Variants in FAT4 observed in about 807,000 individuals in gnomAD.
FAT4 encodes protocadherin Fat 4.
Under a neutral mutation model 303.9 loss-of-function variants are expected in FAT4, and 84 were observed. That is an observed-to-expected ratio of 0.28 (90% confidence interval 0.23 to 0.33). FAT4 has a LOEUF of 0.33. FAT4 is among the 10% of genes least tolerant of loss of function. The pLI, the probability that FAT4 is intolerant of heterozygous loss-of-function variation, is 1.00. For synonymous variants in FAT4, 2,307 were observed against 2,298.8 expected (o/e 1.00, Z -0.10); for missense variants, 6,005 against 6,146.8 (o/e 0.98, Z 0.77).
chr4:125,334,862 A>G (rs1731512753), intron 2 of FAT4, among the ~76,000 whole-genome samples: 1 of 152,178 alleles, frequency 6.6e-6, no homozygotes, highest in South Asian at 2.1e-4. Flanking sequence ...TAAAAACATT[A>G]AAATACCAAT....
chr4:125,477,758 A>C (rs72675381), intron 14 of FAT4, among the ~76,000 whole-genome samples: 2,153 of 152,196 alleles, frequency 0.014, 24 homozygotes, highest in Non-Finnish European at 0.021. Context: ...AACTTGATAC[A>C]GCTTTAAAAA....
chr4:125,393,361 T>C (rs1722271792), intron 2 of FAT4, among the ~76,000 whole-genome samples: 1 of 152,186 alleles, frequency 6.6e-6, no homozygotes, highest in Admixed American at 6.6e-5. Flanking sequence ...GCTATTTTAG[T>C]CATTTCCTTT....
chr4:125,418,762 A>G (rs1735169240), intron 7 of FAT4, among the ~76,000 whole-genome samples: 1 of 152,330 alleles, frequency 6.6e-6, no homozygotes, highest in Non-Finnish European at 1.5e-5. Context: ...TCCACCTGGT[A>G]TAGTAATGCA....
At chr4:125,341,100 C>G (rs1002594521) in intron 2 of FAT4, among the ~76,000 whole-genome samples, 7 of 151,864 alleles carry the variant, frequency 4.6e-5, no homozygotes, top group Non-Finnish European at 7.4e-5. Flanking sequence ...AAGATGAGAG[C>G]AATAGTTTTT....
At chr4:125,391,924 G>A (rs553801720) in intron 2 of FAT4, among the ~76,000 whole-genome samples, 8 of 152,164 alleles carry the variant, frequency 5.3e-5, no homozygotes, top group South Asian at 2.1e-4. Context: ...ACCTGGATTT[G>A]CTTAAAAACA....
chr4:125,316,394 T>C lies in FAT4; in HGVS notation c.-12-6T>C. 1 of 1,582,718 alleles carries C rather than the reference T, an allele frequency of 6.3e-7. No homozygotes were observed. ...CCCCTTCCTTCTCTTTATCACATCG[T>C]TTTAGGGAGCCAGGACCATGGACTT... On this transcript the variant is annotated splice_region_variant and splice_polypyrimidine_tract_variant and intron_variant, in intron 1 of 17. Coordinates refer to ENST00000394329, the MANE Select transcript of FAT4 (RefSeq NM_001291303.3). The surrounding 1 kb of genome is among the most constrained non-coding windows in gnomAD (Gnocchi z 5.7).
At chr4:125,468,131 A>G (rs1726730692) in intron 11 of FAT4, among the ~76,000 whole-genome samples, 2 of 152,122 alleles carry the variant, frequency 1.3e-5, no homozygotes, top group South Asian at 4.1e-4. Flanking sequence ...AGTCTAGGCA[A>G]CAAGAGCAAA....
intron 2 of FAT4, among the ~76,000 whole-genome samples, chr4:125,346,323 A>G (rs1477606814): frequency 6.6e-6 from 1 of 152,082 alleles, no homozygotes; most frequent in Non-Finnish European, 1.5e-5. Context: ...GTTGGGGTAC[A>G]GTAAGCTTTG....
chr4:125,442,252 G>A (rs1432587340), intron 8 of FAT4, among the ~76,000 whole-genome samples: 1 of 152,072 alleles, frequency 6.6e-6, no homozygotes, highest in East Asian at 1.9e-4. Flanking sequence ...AGAGTGTTCT[G>A]TCTTCTGAAT....
In FAT4 at chr4:125,315,862, C is replaced by T. The variant is rs957316951; in HGVS notation, c.-128C>T. 1.3e-5 allele frequency among the ~76,000 whole-genome samples: 2 copies of T among 152,306 alleles called. No homozygotes were observed. The highest frequency in any genetic ancestry group is 3.9e-4 in the East Asian group (2 of 5,150). On this transcript the variant is annotated 5_prime_UTR_variant, in exon 1 of 18. Coordinates refer to ENST00000394329, the MANE Select transcript of FAT4 (RefSeq NM_001291303.3). ...TGAGGAGTGGGGACTCCAGGAATTC[C>T]ATCGCCTCCAGCTTTTGGGAAAGAA... is the stretch of plus-strand genomic sequence containing the variant.
Position 125,452,447 on chromosome 4 carries a change from T to C in FAT4, c.11437T>C (p.Cys3813Arg). ...VDHDSCVHGPCQNGGSCLRRL... is the reference protein window; with the variant it reads ...VDHDSCVHGPRQNGGSCLRRL... ...TCATGACTCCTGTGTGCATGGCCCATGTCAGAATGGAGGGAGCTGTCTACG... is the reference window on the plus strand; with the variant it reads ...TCATGACTCCTGTGTGCATGGCCCACGTCAGAATGGAGGGAGCTGTCTACG... The change falls in exon 10 of 18, where the codon TGT (cysteine) becomes CGT (arginine). Residue 3813 changes from cysteine to arginine, a missense_variant. Cys to Arg is a radical substitution (Grantham distance 180). Transcript: ENST00000394329. 2 of 1,614,038 alleles carry C rather than the reference T, an allele frequency of 1.2e-6. No individual in the cohort carries two copies. Among genetic ancestry groups the C allele is most frequent in the Non-Finnish European group, 1.7e-6 (2 of 1,180,014 alleles).
chr4:125,320,424 C>T lies in FAT4; in HGVS notation c.4013C>T (p.Thr1338Ile). 5.6e-6 allele frequency: 9 copies of T among 1,613,976 alleles called. No individual in the cohort carries two copies. Among genetic ancestry groups the T allele is most frequent in the Non-Finnish European group, 7.6e-6 (9 of 1,179,842 alleles). Residue 1338 changes from threonine to isoleucine, a missense_variant, in exon 2 of 18, where the codon ACT (threonine) becomes ATT (isoleucine). Thr to Ile is a moderately conservative substitution (Grantham distance 89). Transcript: ENST00000394329. ...ATTGGTGAACTCGTGTCCTCTGTTA[C>T]TGCAACTGATTCCGATTCAGGTGAC... ...MRIGELVSSV[T>I]ATDSDSGDNA...
rs1304302008 is a variant in FAT4, at chr4:125,452,296, G to A, written c.11286G>A (p.Thr3762=). The A allele has an allele frequency of 4.3e-6, 7 of 1,614,086 alleles. No homozygotes were observed. The highest frequency in any genetic ancestry group is 2.7e-5 in the African/African-American group (2 of 74,940). ...GTGCATATGAAGAGAACAATAGAAC[G>A]TTTCTTTTGGCAGCTGTGAAGCGAA... ...LYSAYEENNR[T]FLLAAVKRNH... Residue 3762 remains threonine, a synonymous_variant, in exon 10 of 18, where the codon ACG becomes ACA. Coordinates refer to ENST00000394329, the MANE Select transcript of FAT4 (RefSeq NM_001291303.3).
Position 125,471,895 on chromosome 4 carries a change from C to CAAAAAAAAAAA in FAT4, c.12213+3098_12213+3108dup, listed in dbSNP as rs60730341. On this transcript the variant is annotated intron_variant, in intron 12 of 17. Coordinates refer to ENST00000394329, the MANE Select transcript of FAT4 (RefSeq NM_001291303.3). ...TGAAACCCTGTCTCTACTAAAAATA[C>CAAAAAAAAAAA]AAAAAAAAAAAAAAAAAAAAAAAAA... is the stretch of plus-strand genomic sequence containing the variant. Among the ~76,000 whole-genome samples the CAAAAAAAAAAA allele has an allele frequency of 2.2e-3, 124 of 56,116 alleles. 5 individuals carry two copies. The highest frequency in any genetic ancestry group is 3.1e-3 in the East Asian group (6 of 1,942). The allele number at this position is 56,116 out of a possible 152,430, so 36.8% of individuals were successfully genotyped here. A position where few individuals can be genotyped will look rare whatever the true frequency, so the allele number is the denominator to read the frequency against.
chr4:125,444,986 A>T (rs1725779191), intron 8 of FAT4, among the ~76,000 whole-genome samples: 1 of 152,122 alleles, frequency 6.6e-6, no homozygotes, highest in East Asian at 1.9e-4. Flanking sequence ...GATAAAGAGA[A>T]TATATATTAT....
At chr4:125,368,385 C>T (rs931091255) in intron 2 of FAT4, among the ~76,000 whole-genome samples, 1 of 151,468 alleles carries the variant, frequency 6.6e-6, no homozygotes, top group Non-Finnish European at 1.5e-5. Flanking sequence ...GAAAAGCAAA[C>T]TAAAAAGACA....
intron 11 of FAT4, among the ~76,000 whole-genome samples, chr4:125,464,309 A>T (rs1292229734): frequency 1.3e-5 from 2 of 152,142 alleles, no homozygotes; most frequent in African/African-American, 4.8e-5. Flanking sequence ...GAACTAAAAG[A>T]TTCCTTCCAG....
chr4:125,396,117 C>T (rs956760616), intron 2 of FAT4, among the ~76,000 whole-genome samples: 4 of 151,998 alleles, frequency 2.6e-5, no homozygotes, highest in Non-Finnish European at 5.9e-5. Flanking sequence ...TTAACACACA[C>T]GCATGAGACT....
At chr4:125,386,234 G>C (rs544641084) in intron 2 of FAT4, among the ~76,000 whole-genome samples, 1 of 152,124 alleles carries the variant, frequency 6.6e-6, no homozygotes, top group African/African-American at 2.4e-5. Context: ...ATGTTTCACT[G>C]TTTGAAACTT....
Sources: allele counts gnomAD v4.1 joint callset (sites outside exome capture counted in the v4.1 genomes callset), GRCh38; gene constraint gnomAD v4.1.1; non-coding constraint Gnocchi (gnomAD v3.1); transcripts MANE v1.5; gene names NCBI Gene and HGNC (gene_info 2026-07-23, HGNC 2026-07-21).